ARHGAP15: variants seen among roughly 807,000 people sequenced by gnomAD.
The protein encoded by ARHGAP15 is rho GTPase-activating protein 15.
A neutral mutation model predicts 63.7 loss-of-function variants in ARHGAP15; 51 were observed. The observed-to-expected ratio is 0.80, with a 90% confidence interval of 0.64 to 1.01. The LOEUF (loss-of-function observed/expected upper bound fraction) is 1.01. Ranked by LOEUF, ARHGAP15 falls within the 50% of genes least tolerant of loss-of-function variation. The pLI is 0.00. For missense variants in ARHGAP15, 560 were observed against 564.6 expected (o/e 0.99, Z 0.08); for synonymous variants, 191 against 193.8 (o/e 0.99, Z 0.12).
At chr2:143,611,617 A>C (rs182600110) in intron 11 of ARHGAP15, among the ~76,000 whole-genome samples, 2 of 152,158 alleles carry the variant, frequency 1.3e-5, no homozygotes, top group Non-Finnish European at 2.9e-5. Flanking sequence ...TATGCTGATA[A>C]TTTTCAAATT....
chr2:143,331,196 A>C (rs1410192342), intron 6 of ARHGAP15, among the ~76,000 whole-genome samples: 2 of 152,118 alleles, frequency 1.3e-5, no homozygotes, highest in Non-Finnish European at 2.9e-5. Context: ...CCCCCTGGGA[A>C]CTACATTTTA....
At chr2:143,649,567 T>C (rs1681059679) in intron 12 of ARHGAP15, among the ~76,000 whole-genome samples, 1 of 151,952 alleles carries the variant, frequency 6.6e-6, no homozygotes, top group South Asian at 2.1e-4. Flanking sequence ...CCATTTGTAG[T>C]TATGCATGTG....
intron 12 of ARHGAP15, among the ~76,000 whole-genome samples, chr2:143,663,030 G>C (rs1681915983): frequency 7.8e-6 from 1 of 127,922 alleles, no homozygotes; most frequent in South Asian, 2.8e-4. Context: ...ATCTAGCAAG[G>C]CAGGCCAACG....
In ARHGAP15 at chr2:143,539,936, G is replaced by A. The variant is rs567772297; in HGVS notation, c.926-16472G>A. Among the ~76,000 whole-genome samples, 597 of 151,986 alleles carry A rather than the reference G, an allele frequency of 3.9e-3. 1 individual carries two copies. The highest frequency in any genetic ancestry group is 6.9e-3 in the Non-Finnish European group (470 of 67,886). On this transcript the variant is annotated intron_variant, in intron 10 of 13. Coordinates refer to ENST00000295095, the MANE Select transcript of ARHGAP15 (RefSeq NM_018460.4). ...CTGAGTTCAATTCCTGGATATCCTT[G>A]TTTACTTTCTGTCTCGTTGATCTGT...
At chr2:143,359,726 G>A (rs1472967034) in intron 6 of ARHGAP15, among the ~76,000 whole-genome samples, 1 of 152,120 alleles carries the variant, frequency 6.6e-6, no homozygotes, top group African/African-American at 2.4e-5. Flanking sequence ...GAAATATTAT[G>A]CTTAGTTTTT....
chr2:143,542,906 C>T (rs935357874), intron 10 of ARHGAP15, among the ~76,000 whole-genome samples: 18 of 144,864 alleles, frequency 1.2e-4, no homozygotes, highest in Admixed American at 2.1e-4. Context: ...TATATAATAA[C>T]ATATGATATA....
At chr2:143,428,038 A>G (rs1689205855) in intron 6 of ARHGAP15, among the ~76,000 whole-genome samples, 1 of 152,102 alleles carries the variant, frequency 6.6e-6, no homozygotes, top group Admixed American at 6.6e-5. Context: ...GGATTATTAT[A>G]GCATAGTGGG....
At chr2:143,757,403 T>C (rs1047234271) in intron 13 of ARHGAP15, among the ~76,000 whole-genome samples, 1 of 151,936 alleles carries the variant, frequency 6.6e-6, no homozygotes, top group Non-Finnish European at 1.5e-5. Context: ...CCCAGCTACT[T>C]GGGAGGCTGA....
At chr2:143,394,545 T>G (rs1687676152) in intron 6 of ARHGAP15, among the ~76,000 whole-genome samples, 1 of 152,146 alleles carries the variant, frequency 6.6e-6, no homozygotes, top group Admixed American at 6.6e-5. Flanking sequence ...TAAAGAGAAA[T>G]TCTGTCAACC....
chr2:143,571,041 T>G (rs569013013), intron 11 of ARHGAP15, among the ~76,000 whole-genome samples: 2 of 152,264 alleles, frequency 1.3e-5, no homozygotes, highest in East Asian at 3.9e-4. Context: ...GTGGCATTAA[T>G]TTCTCATAGG....
Position 143,609,454 on chromosome 2 carries a change from T to C in ARHGAP15, c.1004-14679T>C, listed in dbSNP as rs111786917. Among the ~76,000 whole-genome samples, 335 of 152,314 alleles carry C rather than the reference T, an allele frequency of 2.2e-3. 2 individuals carry two copies. Among genetic ancestry groups the C allele is most frequent in the African/African-American group, 7.9e-3 (330 of 41,576 alleles). On this transcript the variant is annotated intron_variant, in intron 11 of 13. Coordinates refer to ENST00000295095, the MANE Select transcript of ARHGAP15 (RefSeq NM_018460.4). ...AGAGCAGCTGTGTTTATGTCAATAATTACACATTGGGATAAATGCGTGTAC... is the reference window on the plus strand; with the variant it reads ...AGAGCAGCTGTGTTTATGTCAATAACTACACATTGGGATAAATGCGTGTAC...
chr2:143,650,485 A>T (rs1189407144), intron 12 of ARHGAP15, among the ~76,000 whole-genome samples: 1 of 151,924 alleles, frequency 6.6e-6, no homozygotes, highest in East Asian at 1.9e-4. Context: ...GCTATACCTT[A>T]CAGTACCTTC....
chr2:143,455,072 G>A, intron 8 of ARHGAP15, among the ~76,000 whole-genome samples: 1 of 152,012 alleles, frequency 6.6e-6, no homozygotes, highest in Admixed American at 6.6e-5. Flanking sequence ...AGTCCACAGA[G>A]TAAAGCAAAA....
At chr2:143,712,833 T>C (rs1272803883) in intron 13 of ARHGAP15, among the ~76,000 whole-genome samples, 4 of 150,464 alleles carry the variant, frequency 2.7e-5, no homozygotes, top group Admixed American at 6.6e-5. Context: ...GGAATAAGTA[T>C]AATCTAGCAG....
In ARHGAP15 at chr2:143,556,395, C is replaced by A; in HGVS notation, c.926-13C>A. The A allele has an allele frequency of 1.9e-6, 3 of 1,588,102 alleles. No homozygotes were observed. The South Asian group carries it at 3.4e-5, about 18-fold the overall frequency. On this transcript the variant is annotated splice_polypyrimidine_tract_variant and intron_variant, in intron 10 of 13. Transcript: ENST00000295095. ...TATATGTGCTAATATAAAATATGCC[C>A]TTTTGTCTTCAGGTCTAGATGTTGA... is the stretch of plus-strand genomic sequence containing the variant.
At chr2:143,604,632 T>C (rs1313710369) in intron 11 of ARHGAP15, among the ~76,000 whole-genome samples, 1 of 152,198 alleles carries the variant, frequency 6.6e-6, no homozygotes, top group Non-Finnish European at 1.5e-5. Context: ...CTTCAGTACC[T>C]TAGTCCTGAG....
intron 12 of ARHGAP15, among the ~76,000 whole-genome samples, chr2:143,642,304 G>A (rs552246249): frequency 3.3e-5 from 5 of 151,848 alleles, no homozygotes; most frequent in South Asian, 4.2e-4. Flanking sequence ...ATGTTGGGGG[G>A]GATTTCAGAA....
chr2:143,199,938 C>CTT (rs1692043066), intron 2 of ARHGAP15, among the ~76,000 whole-genome samples: 1 of 151,932 alleles, frequency 6.6e-6, no homozygotes, highest in Non-Finnish European at 1.5e-5. Context: ...TGATTTAGAG[C>CTT]TTGAGATATA....
intron 6 of ARHGAP15, among the ~76,000 whole-genome samples, chr2:143,385,015 T>C (rs1687219107): frequency 6.6e-6 from 1 of 152,196 alleles, no homozygotes; most frequent in African/African-American, 2.4e-5. Flanking sequence ...ATAGAAGCCC[T>C]AGGCTACCAT....
Sources: allele counts gnomAD v4.1 joint callset (sites outside exome capture counted in the v4.1 genomes callset), GRCh38; gene constraint gnomAD v4.1.1; transcripts MANE v1.5; gene names NCBI Gene and HGNC (gene_info 2026-07-23, HGNC 2026-07-21).